The following TM9SF4 variants were observed in gnomAD, a reference collection of about 807,000 sequenced individuals.
TM9SF4 encodes the protein transmembrane 9 superfamily member 4, also known as dinucleotide oxidase disulfide thiol exchanger 3 superfamily member 4.
A neutral mutation model predicts 90.4 loss-of-function variants in TM9SF4; 26 were observed. The ratio of observed to expected loss-of-function variants is 0.29; its 90% CI spans 0.21 to 0.40. The LOEUF is 0.40. TM9SF4 is among the 10% of genes least tolerant of loss of function. The pLI is 1.00. For synonymous variants in TM9SF4, 293 were observed against 315.4 expected (o/e 0.93, Z 0.75); for missense variants, 549 against 834.8 (o/e 0.66, Z 4.22).
chr20:32,115,161 G>C (rs910247274), intron 1 of TM9SF4, among the ~76,000 whole-genome samples: 9 of 152,236 alleles, frequency 5.9e-5, no homozygotes, highest in African/African-American at 2.2e-4. Flanking sequence ...TGCTGACATC[G>C]GGCCTTGGTT....
chr20:32,131,109 C>G (rs528400368), intron 1 of TM9SF4, among the ~76,000 whole-genome samples: 12 of 152,180 alleles, frequency 7.9e-5, no homozygotes, highest in Non-Finnish European at 1.5e-4. Flanking sequence ...CTTGTCATTT[C>G]TTTTAAAGAT....
Position 32,122,132 on chromosome 20 carries a change from C to T in TM9SF4, c.16-10881C>T, listed in dbSNP as rs530809160. 6.0e-3 allele frequency among the ~76,000 whole-genome samples: 842 copies of T among 140,272 alleles called. 21 individuals are homozygous for T. Among genetic ancestry groups the T allele is most frequent in the African/African-American group, 0.022 (782 of 35,884 alleles). 92.0% of individuals were successfully genotyped at this position (140,272 alleles called of 152,430 possible). A position where few individuals can be genotyped will look rare whatever the true frequency, so the allele number is the denominator to read the frequency against. On this transcript the variant is annotated intron_variant, in intron 1 of 17. Coordinates refer to ENST00000398022, the MANE Select transcript of TM9SF4 (RefSeq NM_014742.4). ...GCAGAGGCGCCCCTCACCTCCCAGA[C>T]GGGGCAGCTGGCCGGGCGGGGGGGG...
At chr20:32,148,705 C>G (rs948592215) in intron 9 of TM9SF4, among the ~76,000 whole-genome samples, 2 of 126,372 alleles carry the variant, frequency 1.6e-5, no homozygotes, top group Non-Finnish European at 3.1e-5. Context: ...GAGTCTTGCT[C>G]TGTTGCCCAG....
At chr20:32,120,865 A>G (rs2046295869) in intron 1 of TM9SF4, among the ~76,000 whole-genome samples, 1 of 152,212 alleles carries the variant, frequency 6.6e-6, no homozygotes, top group Non-Finnish European at 1.5e-5. Flanking sequence ...GATTTTGTCA[A>G]CAGCTTTTTC....
chr20:32,145,916 C>G (rs1017438115), intron 8 of TM9SF4, among the ~76,000 whole-genome samples: 1 of 152,194 alleles, frequency 6.6e-6, no homozygotes, highest in Non-Finnish European at 1.5e-5. Flanking sequence ...GAAGACCTTT[C>G]TTTACGATAA....
chr20:32,150,602 C>T lies in TM9SF4; in HGVS notation c.1088-20C>T, dbSNP rs992196813. Reference sequence around the variant, plus strand: ...GCCACCCTGCCTTTCTCTGCCCTTCCTCCCTCCCTCCCTCCACAGTTGTAG... The same window carrying T: ...GCCACCCTGCCTTTCTCTGCCCTTCTTCCCTCCCTCCCTCCACAGTTGTAG... On this transcript the variant is annotated intron_variant, in intron 10 of 17. Coordinates refer to ENST00000398022, the MANE Select transcript of TM9SF4 (RefSeq NM_014742.4). 12 of 1,609,762 alleles carry T rather than the reference C, an allele frequency of 7.5e-6. No individual in the cohort carries two copies. The highest frequency in any genetic ancestry group is 1.0e-5 in the Non-Finnish European group (12 of 1,176,442).
chr20:32,156,538 C>T (rs912459839), intron 13 of TM9SF4, among the ~76,000 whole-genome samples: 1 of 152,206 alleles, frequency 6.6e-6, no homozygotes, highest in African/African-American at 2.4e-5. Context: ...ACTTAAAATA[C>T]CTAATACAAT....
At chr20:32,124,585 A>T (rs1306787877) in intron 1 of TM9SF4, among the ~76,000 whole-genome samples, 2 of 129,836 alleles carry the variant, frequency 1.5e-5, no homozygotes, top group African/African-American at 5.9e-5. Context: ...AAGTTCTTTT[A>T]AAAACTTTTT....
chr20:32,112,236 C>G (rs1305037045), intron 1 of TM9SF4, among the ~76,000 whole-genome samples: 1 of 151,928 alleles, frequency 6.6e-6, no homozygotes, highest in African/African-American at 2.4e-5. Context: ...ATGGCAAACC[C>G]CTCTACAAAA....
intron 2 of TM9SF4, among the ~76,000 whole-genome samples, chr20:32,134,053 G>T (rs1016462023): frequency 6.6e-6 from 1 of 150,848 alleles, no homozygotes; most frequent in Non-Finnish European, 1.5e-5. Context: ...GGCTCAAACA[G>T]TTCTCATGCT....
At chr20:32,123,164 A>T (rs1404172633) in intron 1 of TM9SF4, among the ~76,000 whole-genome samples, 1 of 47,652 alleles carries the variant, frequency 2.1e-5, no homozygotes, top group Admixed American at 3.3e-4. Flanking sequence ...CCATGAGGAG[A>T]GGGAGAGGGG....
intron 3 of TM9SF4, 108 bp downstream of exon 3, chr20:32,136,281 C>T: frequency 1.0e-6 from 1 of 989,084 alleles, no homozygotes; most frequent in Non-Finnish European, 1.5e-6. Context: ...CACTGGTCTA[C>T]ATTGTTTGCA....
intron 1 of TM9SF4, among the ~76,000 whole-genome samples, chr20:32,129,839 G>A (rs1480083053): frequency 6.6e-6 from 1 of 152,036 alleles, no homozygotes; most frequent in East Asian, 1.9e-4. Flanking sequence ...CCCCCAACTT[G>A]GCCTCCCAAA....
At chr20:32,150,944 A>C in intron 12 of TM9SF4, 69 bp downstream of exon 12, 1 of 1,572,098 alleles carries the variant, frequency 6.4e-7, no homozygotes, top group East Asian at 2.3e-5. Context: ...CCTCAGGAGA[A>C]GGTAGGCAGG....
Position 32,132,897 on chromosome 20 carries a change from G to C in TM9SF4, c.16-116G>C, listed in dbSNP as rs2046540298. ...TGAGGTCTTCAGGCTTCATGGGTCA[G>C]AGGGTGGCTACACTGGGTCAATTAA... is the stretch of plus-strand genomic sequence containing the variant. On this transcript the variant is annotated intron_variant, in intron 1 of 17. Transcript: ENST00000398022. The C allele has an allele frequency of 2.4e-6, 2 of 829,704 alleles. No individual in the cohort carries two copies. The highest frequency in any genetic ancestry group is 5.2e-5 in the Admixed American group (2 of 38,680). The allele number at this position is 829,704 out of a possible 1,614,324, so 51.4% of individuals were successfully genotyped here. A position where few individuals can be genotyped will look rare whatever the true frequency, so the allele number is the denominator to read the frequency against.
chr20:32,122,667 C>T (rs1252844960), intron 1 of TM9SF4, among the ~76,000 whole-genome samples: 4 of 150,504 alleles, frequency 2.7e-5, no homozygotes, highest in South Asian at 2.1e-4. Context: ...CGGGCAGAGA[C>T]GCTCCTCACT....
At chr20:32,133,372 A>T (rs2046548558) in intron 2 of TM9SF4, among the ~76,000 whole-genome samples, 1 of 150,760 alleles carries the variant, frequency 6.6e-6, no homozygotes, top group Non-Finnish European at 1.5e-5. Context: ...TCTCACTCTC[A>T]CTTTTGCTTT....
At position 32,167,206 on chromosome 20, in the gene TM9SF4, C is replaced by T. The variant is rs1452147521; in HGVS notation, c.*1762C>T. ...ATTATTATTTTTAATTAAAAAAATG[C>T]CTGTATGCCTTTTTTTGGTCGGATT... On this transcript the variant is annotated 3_prime_UTR_variant, in exon 18 of 18. Transcript: ENST00000398022. 1.3e-5 allele frequency: 2 copies of T among 151,940 alleles called. No homozygotes were observed. Among genetic ancestry groups the T allele is most frequent in the Non-Finnish European group, 2.9e-5 (2 of 68,016 alleles). 9.4% of individuals were successfully genotyped at this position (151,940 alleles called of 1,614,324 possible).
chr20:32,121,134 A>T (rs1163391563), intron 1 of TM9SF4, among the ~76,000 whole-genome samples: 1 of 150,926 alleles, frequency 6.6e-6, no homozygotes, highest in Non-Finnish European at 1.5e-5. Context: ...GTTTTTAAAA[A>T]TTTATTTAGA....
Sources: gnomAD v4.1 joint callset for allele counts (sites outside exome capture counted in the v4.1 genomes callset) on GRCh38, gnomAD v4.1.1 for gene constraint, MANE v1.5 for transcripts, NCBI Gene and HGNC (gene_info 2026-07-23, HGNC 2026-07-21) for gene names.